CSF1R: variants seen among roughly 807,000 people sequenced by gnomAD.
The protein encoded by CSF1R is macrophage colony-stimulating factor 1 receptor.
Under a neutral mutation model 110.0 loss-of-function variants are expected in CSF1R, and 40 were observed. That is an observed-to-expected ratio of 0.36 (90% CI 0.28 to 0.47). The LOEUF (loss-of-function observed/expected upper bound fraction) is 0.47. CSF1R is among the 20% of genes least tolerant of loss of function. The pLI is 0.99. For missense variants in CSF1R, 1,052 were observed against 1,253.0 expected, an observed-to-expected ratio of 0.84 and a Z score of 2.42; for synonymous variants, 523 against 503.4, an observed-to-expected ratio of 1.04 and a Z score of -0.52.
At chr5:150,077,776 TCA>T (rs1157645400) in intron 4 of CSF1R, among the ~76,000 whole-genome samples, 3 of 152,284 alleles carry the variant, frequency 2.0e-5, no homozygotes, top group African/African-American at 7.2e-5. Context: ...TTCCTGGGCT[TCA>T]ATGGTGGCCT....
rs887390632 is a variant in CSF1R, at chr5:150,077,129, C to G, written c.889+147G>C. 3 of 1,009,984 alleles carry G rather than the reference C, an allele frequency of 3.0e-6. No homozygotes were observed. In the African/African-American group the frequency reaches 4.8e-5, roughly 16 times the overall value. The allele number at this position is 1,009,984 out of a possible 1,614,324, so 62.6% of individuals were successfully genotyped here. A position where few individuals can be genotyped will look rare whatever the true frequency, so the allele number is the denominator to read the frequency against. On this transcript the variant is annotated intron_variant, in intron 5 of 20. Coordinates refer to ENST00000675795, the MANE Select transcript of CSF1R (RefSeq NM_001288705.3). ...GTAAGGGAAAGCTCCTGGAGAGTGG[C>G]TCCTTAGCCAGGCCTTGGATAAACA... is the stretch of plus-strand genomic sequence containing the variant.
chr5:150,099,898 G>GA (rs886979939), intron 1 of CSF1R, among the ~76,000 whole-genome samples: 2 of 151,702 alleles, frequency 1.3e-5, no homozygotes, highest in African/African-American at 4.8e-5. Context: ...AAAACAATGG[G>GA]AAAAAAATGT....
chr5:150,059,494 A>G (rs762938167), intron 14 of CSF1R, among the ~76,000 whole-genome samples: 1 of 152,220 alleles, frequency 6.6e-6, no homozygotes, highest in Non-Finnish European at 1.5e-5. Context: ...TAGGTGTTCA[A>G]ATATTTGTTG....
At chr5:150,059,929 G>C in intron 13 of CSF1R, 67 bp from the exon 14 acceptor site, 2 of 1,539,316 alleles carry the variant, frequency 1.3e-6, no homozygotes, top group Non-Finnish European at 1.8e-6. Context: ...AGGAGCATGA[G>C]ACTGGGGGCA....
At chr5:150,101,660 C>CTT (rs34618542) in intron 1 of CSF1R, among the ~76,000 whole-genome samples, 8 of 140,056 alleles carry the variant, frequency 5.7e-5, no homozygotes, top group African/African-American at 1.6e-4. Context: ...TCCTTGCCTT[C>CTT]TTTTTTTTTT....
In CSF1R at chr5:150,059,814, T is replaced by G. The variant is rs750317645; in HGVS notation, c.2018A>C (p.Asn673Thr). 6.2e-7 allele frequency: 1 copy of G among 1,614,176 alleles called. No individual in the cohort carries two copies. The highest frequency in any genetic ancestry group is 8.5e-7 in the Non-Finnish European group (1 of 1,180,036). Residue 673 changes from asparagine (N) to threonine (T), a missense_variant, in exon 14 of 21, where the codon AAC becomes ACC. Asn to Thr is a moderately conservative substitution (Grantham distance 65, BLOSUM62 0). This residue lies in a region of CSF1R where 76 missense variants were observed against 133.6 expected (regional missense o/e 0.57). Transcript: ENST00000675795. ...TEYCCYGDLLNFLRRKAEAML... is the reference protein window; with the variant it reads ...TEYCCYGDLLTFLRRKAEAML... ...GGCCTCAGCCTTCCTTCGCAGAAAG[T>G]TGAGCAGGTCGCCATAGCAACAGTA...
chr5:150,056,533 G>C (rs1018458510), intron 16 of CSF1R, among the ~76,000 whole-genome samples, 192 bp from the exon 17 acceptor site: 8 of 152,102 alleles, frequency 5.3e-5, no homozygotes, highest in Non-Finnish European at 1.2e-4. Context: ...ATCGTGATCT[G>C]ATCATTTAAT....
chr5:150,068,455 C>A, intron 9 of CSF1R, 125 bp from the exon 10 acceptor site: 1 of 630,210 alleles, frequency 1.6e-6, no homozygotes, highest in Admixed American at 2.8e-5. Context: ...ATGAAGCATC[C>A]TCCACTGGAA....
intron 12 of CSF1R, among the ~76,000 whole-genome samples, chr5:150,061,247 C>T (rs1055028794): frequency 1.3e-5 from 2 of 152,166 alleles, no homozygotes; most frequent in Non-Finnish European, 2.9e-5. Flanking sequence ...CTTTCTGCAC[C>T]CCCAGACTTT....
chr5:150,062,405 C>G (rs1348041662), intron 10 of CSF1R, among the ~76,000 whole-genome samples: 2 of 146,646 alleles, frequency 1.4e-5, no homozygotes, highest in Admixed American at 7.4e-5. Flanking sequence ...AAATTCTGTT[C>G]CTGTTAAAAA....
At chr5:150,102,798 CT>C (rs1461753847) in intron 1 of CSF1R, among the ~76,000 whole-genome samples, 1 of 152,202 alleles carries the variant, frequency 6.6e-6, no homozygotes, top group Non-Finnish European at 1.5e-5. Context: ...TATTCGTTAT[CT>C]GTATTATGTC....
intron 1 of CSF1R, among the ~76,000 whole-genome samples, chr5:150,105,356 A>AT: frequency 9.9e-6 from 1 of 100,868 alleles, no homozygotes; most frequent in African/African-American, 4.7e-5. Context: ...TCAAAAAAAA[A>AT]AAAAAAAATA....
At chr5:150,103,727 G>A (rs1180451927) in intron 1 of CSF1R, among the ~76,000 whole-genome samples, 1 of 152,216 alleles carries the variant, frequency 6.6e-6, no homozygotes, top group Admixed American at 6.5e-5. Context: ...GAAATCCCAG[G>A]AGAGGGAATA....
rs1414156069 is a variant in CSF1R, at chr5:150,097,444, AAAAG to A, written c.-180-10841_-180-10838del. Among the ~76,000 whole-genome samples the A allele has an allele frequency of 7.9e-5, 12 of 152,192 alleles. No homozygotes were observed. The East Asian group carries it at 1.2e-3, about 15-fold the overall frequency. On this transcript the variant is annotated intron_variant, in intron 1 of 21. Transcript: ENST00000286301. ...AAAGAAAGAAAAGAAGAAGAAAGAA[AAAAG>A]AAAGAAAGTGAAAGAAAAAGAGTTC...
At chr5:150,070,365 C>T in intron 7 of CSF1R, 63 bp from the exon 8 acceptor site, 2 of 1,594,006 alleles carry the variant, frequency 1.3e-6, no homozygotes, top group South Asian at 2.3e-5. Flanking sequence ...TCTCCCAGTA[C>T]CTACTTCCCT....
chr5:150,093,584 GGAAA>G (rs1400234880), intron 1 of CSF1R, among the ~76,000 whole-genome samples: 1 of 152,054 alleles, frequency 6.6e-6, no homozygotes, highest in Non-Finnish European at 1.5e-5. Flanking sequence ...AGACAAAGAT[GGAAA>G]GAAAGAAGAC....
At chr5:150,110,811 A>G (rs949783598) in intron 1 of CSF1R, among the ~76,000 whole-genome samples, 1 of 152,254 alleles carries the variant, frequency 6.6e-6, no homozygotes, top group Non-Finnish European at 1.5e-5. Context: ...TGCATTTAAC[A>G]TATAAAAATA....
chr5:150,077,369 C>G lies in CSF1R; in HGVS notation c.796G>C (p.Asp266His), dbSNP rs148357861. 1.2e-6 allele frequency: 2 copies of G among 1,614,110 alleles called. No individual in the cohort carries two copies. Among genetic ancestry groups the G allele is most frequent in the South Asian group, 1.1e-5 (1 of 91,062 alleles). The change falls in exon 5 of 21, where the codon GAT becomes CAT. Residue 266 changes from aspartate (D) to histidine (H), a missense_variant. Coordinates refer to ENST00000675795, the MANE Select transcript of CSF1R (RefSeq NM_001288705.3). ...RYQKVLTLNL[D>H]QVDFQHAGNY... ...CCGGCATGTTGGAAATCTACTTGAT[C>G]GAGGTTGAGGGTCAGGACTTTTTGG...
At chr5:150,063,600 T>C (rs1415332698) in intron 10 of CSF1R, among the ~76,000 whole-genome samples, 1 of 151,960 alleles carries the variant, frequency 6.6e-6, no homozygotes, top group East Asian at 1.9e-4. Context: ...CCTGATTTCC[T>C]TCCTTAGGCT....
Sources: gnomAD v4.1 joint callset for allele counts (sites outside exome capture counted in the v4.1 genomes callset) on GRCh38, gnomAD v4.1.1 for gene constraint, gnomAD v4.1.1 regional missense constraint, MANE v1.5 for transcripts, NCBI Gene and HGNC (gene_info 2026-07-23, HGNC 2026-07-21) for gene names.